The following AKAP13 variants were observed in gnomAD, a reference collection of about 807,000 sequenced individuals.
The protein encoded by AKAP13 is A-kinase anchoring protein 13, also known as A-kinase anchor protein 13.
In AKAP13, 80 loss-of-function variants were observed where a neutral mutation model predicts 264.5. The ratio of observed to expected loss-of-function variants is 0.30; its 90% CI spans 0.25 to 0.36. The LOEUF (loss-of-function observed/expected upper bound fraction) is 0.36. AKAP13 is among the 10% of genes least tolerant of loss of function. AKAP13 has a pLI of 1.00. For synonymous variants in AKAP13, 1,380 were observed against 1,250.2 expected (o/e 1.10, Z -2.19); for missense variants, 3,712 against 3,435.2 (o/e 1.08, Z -2.01).
rs1416325404 is a variant in AKAP13, at chr15:85,543,757, C to A, written c.479-15C>A. The A allele has an allele frequency of 6.3e-7, 1 of 1,576,034 alleles. No individual in the cohort carries two copies. Among genetic ancestry groups the A allele is most frequent in the Non-Finnish European group, 8.6e-7 (1 of 1,160,202 alleles). ...TATTTTCCTCACTTACGTTCATTTT[C>A]TCCCCCATTTACAGATGCTGGCCCG... On this transcript the variant is annotated splice_polypyrimidine_tract_variant and intron_variant, in intron 4 of 36. Coordinates refer to ENST00000394518, the MANE Select transcript of AKAP13 (RefSeq NM_007200.5).
At chr15:85,571,869 G>T (rs186900575) in intron 5 of AKAP13, among the ~76,000 whole-genome samples, 1 of 152,352 alleles carries the variant, frequency 6.6e-6, no homozygotes, top group Non-Finnish European at 1.5e-5. Flanking sequence ...TACTTGCAAT[G>T]ACTGATCTTT....
chr15:85,523,823 G>C lies in AKAP13; in HGVS notation c.181+2248G>C, dbSNP rs184648845. ...CCCCCCTCCCCGCCCCCCTTTTTTT[G>C]TTTTTTAATAAATTCAAAAGAGTCT... On this transcript the variant is annotated intron_variant, in intron 3 of 36. Coordinates refer to ENST00000394518, the MANE Select transcript of AKAP13 (RefSeq NM_007200.5). 7.9e-3 allele frequency among the ~76,000 whole-genome samples: 954 copies of C among 120,868 alleles called. 7 individuals are homozygous for C. Among genetic ancestry groups the C allele is most frequent in the Middle Eastern group, 0.011 (2 of 182 alleles). 79.3% of individuals were successfully genotyped at this position (120,868 alleles called of 152,430 possible). A position where few individuals can be genotyped will look rare whatever the true frequency, so the allele number is the denominator to read the frequency against.
intron 1 of AKAP13, among the ~76,000 whole-genome samples, chr15:85,444,738 A>G (rs2073841790): frequency 6.6e-6 from 1 of 152,160 alleles, no homozygotes; most frequent in African/African-American, 2.4e-5. Flanking sequence ...TAGTGAAGTC[A>G]ACACCAGGAC....
intron 1 of AKAP13, among the ~76,000 whole-genome samples, chr15:85,413,196 C>T (rs991621250): frequency 3.3e-5 from 5 of 152,166 alleles, no homozygotes; most frequent in Non-Finnish European, 5.9e-5. Context: ...GAAGATCCTG[C>T]GCATGTTTTC....
At chr15:85,511,015 A>C (rs979643111) in intron 2 of AKAP13, among the ~76,000 whole-genome samples, 2 of 152,152 alleles carry the variant, frequency 1.3e-5, no homozygotes, top group African/African-American at 4.8e-5. Flanking sequence ...TAGATAGATG[A>C]AAGATATGTT....
Position 85,467,532 on chromosome 15 carries a change from A to G in AKAP13, c.-11-18178A>G, listed in dbSNP as rs16940072. Among the ~76,000 whole-genome samples, 1,513 of 151,996 alleles carry G rather than the reference A, an allele frequency of 1.0e-2. 20 individuals are homozygous for G. Among genetic ancestry groups the G allele is most frequent in the Admixed American group, 0.034 (521 of 15,252 alleles). ...CCTAATGTATTGTCAGGCTTTTTTC[A>G]TTCTTTCAACTTCTGAGATTGAGAT... On this transcript the variant is annotated intron_variant, in intron 1 of 36. Coordinates refer to ENST00000394518, the MANE Select transcript of AKAP13 (RefSeq NM_007200.5).
chr15:85,562,572 AAAATATAT>A lies in AKAP13; in HGVS notation c.663-12557_663-12550del, dbSNP rs1461806370. Among the ~76,000 whole-genome samples, 3 of 119,694 alleles carry A rather than the reference AAAATATAT, an allele frequency of 2.5e-5. 1 individual carries two copies. The highest frequency in any genetic ancestry group is 9.4e-5 in the African/African-American group (3 of 31,862). 78.5% of individuals were successfully genotyped at this position (119,694 alleles called of 152,430 possible). On this transcript the variant is annotated intron_variant, in intron 5 of 36. Transcript: ENST00000394518. ...AGAGTGAGAATCTGCCTCAAAAAAA[AAAATATAT>A]ATATATATATATATATATATATATA...
At chr15:85,529,723 G>A (rs1330359681) in intron 3 of AKAP13, among the ~76,000 whole-genome samples, 2 of 152,192 alleles carry the variant, frequency 1.3e-5, no homozygotes, top group Non-Finnish European at 2.9e-5. Context: ...TGGTGTGGTT[G>A]ATTTCCGGAC....
intron 1 of AKAP13, among the ~76,000 whole-genome samples, chr15:85,447,691 AGACAT>A (rs2073948793): frequency 6.6e-6 from 1 of 152,178 alleles, no homozygotes; most frequent in Non-Finnish European, 1.5e-5. Flanking sequence ...TTCCCAGAGA[AGACAT>A]GATCTCATTC....
Position 85,645,805 on chromosome 15 carries a change from TTC to T in AKAP13, c.4238-9_4238-8del. The T allele has an allele frequency of 6.6e-7, 1 of 1,509,000 alleles. No homozygotes were observed. The highest frequency in any genetic ancestry group is 1.2e-5 in the South Asian group (1 of 82,790). 93.5% of individuals were successfully genotyped at this position (1,509,000 alleles called of 1,614,324 possible). A position where few individuals can be genotyped will look rare whatever the true frequency, so the allele number is the denominator to read the frequency against. On this transcript the variant is annotated splice_polypyrimidine_tract_variant and intron_variant, in intron 9 of 36. Transcript: ENST00000394518. ...TTTTTTTTCAATATTGGTGAATAAA[TTC>T]TCTTTTTCAGAATGTGAGAACTTCC...
At chr15:85,715,652 G>A (rs1290879834) in intron 19 of AKAP13, 136 bp from the exon 20 acceptor site, 1 of 1,171,528 alleles carries the variant, frequency 8.5e-7, no homozygotes, top group Non-Finnish European at 1.1e-6. Context: ...TCTCCTCCAT[G>A]GAGTTTTTAT....
At chr15:85,728,555 C>T (rs532851494) in intron 29 of AKAP13, among the ~76,000 whole-genome samples, 15 of 152,348 alleles carry the variant, frequency 9.8e-5, no homozygotes, top group Non-Finnish European at 1.9e-4. Context: ...GGGAGACATA[C>T]ATCAATGATG....
At chr15:85,681,994 G>A (rs927338317) in intron 14 of AKAP13, among the ~76,000 whole-genome samples, 164 bp from the exon 15 acceptor site, 1 of 152,160 alleles carries the variant, frequency 6.6e-6, no homozygotes, top group Non-Finnish European at 1.5e-5. Context: ...AGGGTTTCAA[G>A]TTTAATTTTT....
intron 3 of AKAP13, among the ~76,000 whole-genome samples, chr15:85,526,148 A>G (rs947096753): frequency 6.6e-6 from 1 of 152,218 alleles, no homozygotes; most frequent in Non-Finnish European, 1.5e-5. Context: ...AAAAAGAATA[A>G]TACATTTACC....
At chr15:85,619,833 T>C in intron 8 of AKAP13, 2 of 1,301,550 alleles carry the variant, frequency 1.5e-6, no homozygotes, top group African/African-American at 1.5e-5. Context: ...GTTTATATTA[T>C]GAGTTCTACA....
intron 30 of AKAP13, among the ~76,000 whole-genome samples, chr15:85,731,062 T>C (rs1000339191): frequency 1.5e-5 from 2 of 137,186 alleles, no homozygotes; most frequent in Non-Finnish European, 3.0e-5. Flanking sequence ...TGGAGTGCAG[T>C]GGTGCAACCT....
chr15:85,483,329 ACTGT>A (rs898440010), intron 1 of AKAP13, among the ~76,000 whole-genome samples: 6 of 152,192 alleles, frequency 3.9e-5, no homozygotes, highest in African/African-American at 7.2e-5. Context: ...AAATTCGTAA[ACTGT>A]CTTAAAACAT....
intron 10 of AKAP13, among the ~76,000 whole-genome samples, chr15:85,650,374 T>A (rs950242425): frequency 6.6e-6 from 1 of 151,996 alleles, no homozygotes; most frequent in Admixed American, 6.6e-5. Context: ...AAGGCTGCAA[T>A]GAGCTGTGAT....
At chr15:85,693,151 T>A in intron 16 of AKAP13, 126 bp from the exon 17 acceptor site, 1 of 1,377,400 alleles carries the variant, frequency 7.3e-7, no homozygotes, top group Non-Finnish European at 9.4e-7. Context: ...TGCCCAGAAC[T>A]TTGTTTCTCA....
Sources: allele counts gnomAD v4.1 joint callset (sites outside exome capture counted in the v4.1 genomes callset), GRCh38; gene constraint gnomAD v4.1.1; transcripts MANE v1.5; gene names NCBI Gene and HGNC (gene_info 2026-07-23, HGNC 2026-07-21).